Variants in VPS13B observed in about 807,000 individuals in gnomAD.
VPS13B encodes the protein intermembrane lipid transfer protein VPS13B.
VPS13B carries 285 observed loss-of-function variants against 426.4 expected under a neutral mutation model. The ratio of observed to expected loss-of-function variants is 0.67; its 90% CI spans 0.61 to 0.74. The LOEUF is 0.74. Ranked by LOEUF, VPS13B falls within the 30% of genes least tolerant of loss-of-function variation. The probability of loss-of-function intolerance (pLI) is 0.00; values close to 1 mark genes in which losing one functional copy is unlikely to be tolerated. For missense variants in VPS13B, 4,537 were observed against 4,782.6 expected (o/e 0.95, Z 1.51); for synonymous variants, 1,676 against 1,676.4 (o/e 1.00, Z 0.01).
In VPS13B at chr8:99,699,632, G is replaced by T. The variant is rs765025227; in HGVS notation, c.6154G>T (p.Ala2052Ser). Residue 2052 changes from alanine to serine, a missense_variant, in exon 36 of 62, where the codon GCA becomes TCA. Ala to Ser is a moderately conservative substitution (Grantham distance 99, BLOSUM62 1). Around this residue, in one of 2 missense-constraint regions of VPS13B, gnomAD observed 4,311 missense variants for 4,474.3 expected, o/e 0.96. Transcript: ENST00000357162. Reference protein sequence around the residue: ...LKKIKNAHSLAHSEETSAMSN... With the variant: ...LKKIKNAHSLSHSEETSAMSN... ...GAAGATAAAAAATGCACACAGTTTG[G>T]CACATAGTGAAGAGACTTCAGCCAT... 5 of 1,614,008 alleles carry T rather than the reference G, an allele frequency of 3.1e-6. No individual in the cohort carries two copies. In the South Asian group the frequency reaches 3.3e-5, roughly 11 times the overall value.
Position 99,422,707 on chromosome 8 carries a change from A to G in VPS13B, c.3083-8830A>G, listed in dbSNP as rs201622456. Among the ~76,000 whole-genome samples the G allele has an allele frequency of 2.6e-5, 4 of 152,210 alleles. No homozygotes were observed. In the East Asian group the frequency reaches 7.7e-4, roughly 29 times the overall value. On this transcript the variant is annotated intron_variant, in intron 21 of 61. Transcript: ENST00000357162. Reference sequence around the variant, plus strand: ...GTTAATTAATATACATGTTTTAAAAAATACAATAAGTAATTCATTTTTATA... The same window carrying G: ...GTTAATTAATATACATGTTTTAAAAGATACAATAAGTAATTCATTTTTATA...
In VPS13B at chr8:99,257,117, A is replaced by G. The variant is rs528784803; in HGVS notation, c.2516-17081A>G. On this transcript the variant is annotated intron_variant, in intron 17 of 61. Transcript: ENST00000357162. ...AGTAAATGATCATGCTTAGGTGCAG[A>G]CAAAACTTGCATCCTTAAGCTAGGA... Among the ~76,000 whole-genome samples the G allele has an allele frequency of 5.0e-4, 76 of 152,338 alleles. 1 individual carries two copies. The Middle Eastern group carries it at 0.014, about 27-fold the overall frequency.
intron 3 of VPS13B, among the ~76,000 whole-genome samples, chr8:99,066,467 G>A (rs1467098890): frequency 6.6e-6 from 1 of 152,158 alleles, no homozygotes; most frequent in South Asian, 2.1e-4. Flanking sequence ...AGCTGAAACT[G>A]GATCCCTTCC....
Position 99,642,390 on chromosome 8 carries a change from G to T in VPS13B, c.5800G>T (p.Val1934Leu). 6.2e-7 allele frequency: 1 copy of T among 1,614,126 alleles called. No individual in the cohort carries two copies. The highest frequency in any genetic ancestry group is 8.5e-7 in the Non-Finnish European group (1 of 1,180,002). The change falls in exon 34 of 62, where the codon GTG (valine) becomes TTG (leucine). Residue 1934 changes from valine (V) to leucine (L), a missense_variant. Transcript: ENST00000357162. ...LQLEPFLYFIVSQPSLLLSCH... is the reference protein window; with the variant it reads ...LQLEPFLYFILSQPSLLLSCH... ...GCTAGAGCCTTTTCTGTACTTTATT[G>T]TGTCCCAGCCTTCCTTGCTTCTGAG...
chr8:99,432,270 AC>A (rs1817154300), intron 22 of VPS13B, among the ~76,000 whole-genome samples: 1 of 152,116 alleles, frequency 6.6e-6, no homozygotes. Flanking sequence ...TCTCTGTGAT[AC>A]CAGAGACATC....
intron 33 of VPS13B, among the ~76,000 whole-genome samples, chr8:99,620,703 G>A (rs1828308378): frequency 1.3e-5 from 2 of 151,938 alleles, no homozygotes; most frequent in South Asian, 2.1e-4. Flanking sequence ...TGGGTACAGT[G>A]GCTTACACCT....
At chr8:99,308,283 A>C (rs1313736341) in intron 19 of VPS13B, among the ~76,000 whole-genome samples, 1 of 151,492 alleles carries the variant, frequency 6.6e-6, no homozygotes, top group East Asian at 1.9e-4. Flanking sequence ...GCACCCATTA[A>C]CTCGTCATTT....
rs779519268 is a variant in VPS13B, at chr8:99,511,400, G to A, written c.4521G>A (p.Gln1507=). ...AAGAGAAAAGAAAATCTCCTGGTCA[G>A]CCCATGAGGACCCATACACTGACAT... is the stretch of plus-strand genomic sequence containing the variant. The part of the protein sequence containing the change: ...TQKEKRKSPG[Q]PMRTHTLTSR... The change falls in exon 29 of 62, where the codon CAG becomes CAA. Residue 1507 remains glutamine (Q), a synonymous_variant. Coordinates refer to ENST00000357162, the MANE Select transcript of VPS13B (RefSeq NM_152564.5). The A allele has an allele frequency of 4.3e-6, 7 of 1,613,706 alleles. No homozygotes were observed. The highest frequency in any genetic ancestry group is 8.5e-7 in the Non-Finnish European group (1 of 1,179,968).
At chr8:99,034,030 A>T (rs1397006312) in intron 2 of VPS13B, among the ~76,000 whole-genome samples, 11 of 152,036 alleles carry the variant, frequency 7.2e-5, no homozygotes. Flanking sequence ...GACTATTTTT[A>T]TTTCTGTACA....
chr8:99,802,166 A>AAT (rs1563923299), intron 43 of VPS13B, among the ~76,000 whole-genome samples: 1 of 151,958 alleles, frequency 6.6e-6, no homozygotes, highest in African/African-American at 2.4e-5. Context: ...AAAAAAAAAA[A>AAT]ACAAGCTGTG....
chr8:99,169,834 TA>T (rs1011383346), intron 15 of VPS13B, among the ~76,000 whole-genome samples: 1 of 152,044 alleles, frequency 6.6e-6, no homozygotes, highest in African/African-American at 2.4e-5. Context: ...GGATGTGAAA[TA>T]AATACTGTAT....
intron 12 of VPS13B, among the ~76,000 whole-genome samples, chr8:99,139,669 C>G (rs1810290046): frequency 6.6e-6 from 1 of 151,988 alleles, no homozygotes; most frequent in Non-Finnish European, 1.5e-5. Context: ...GATCTCCTGA[C>G]CTCGTGATCC....
At chr8:99,305,043 G>A (rs551508448) in intron 19 of VPS13B, among the ~76,000 whole-genome samples, 3 of 152,146 alleles carry the variant, frequency 2.0e-5, no homozygotes, top group Middle Eastern at 3.4e-3. Flanking sequence ...ACAATTTTTA[G>A]TGCATAGAAA....
chr8:99,583,331 T>A (rs77547719), intron 33 of VPS13B, among the ~76,000 whole-genome samples: 12,576 of 152,246 alleles, frequency 0.083, 878 homozygotes, highest in African/African-American at 0.19. Context: ...TCTTTATTCT[T>A]TCATTCTAAA....
intron 29 of VPS13B, among the ~76,000 whole-genome samples, chr8:99,518,604 C>A (rs1034218620): frequency 1.3e-5 from 2 of 152,146 alleles, no homozygotes; most frequent in South Asian, 2.1e-4. Flanking sequence ...TTTCCCTCCT[C>A]CCTTCATGGT....
At chr8:99,427,606 A>G (rs1314710095) in intron 21 of VPS13B, among the ~76,000 whole-genome samples, 1 of 152,104 alleles carries the variant, frequency 6.6e-6, no homozygotes, top group Non-Finnish European at 1.5e-5. Flanking sequence ...TTCAAGGAGA[A>G]CTACAAACCA....
intron 34 of VPS13B, among the ~76,000 whole-genome samples, chr8:99,655,247 C>G (rs1829980996): frequency 6.6e-6 from 1 of 152,166 alleles, no homozygotes; most frequent in Admixed American, 6.5e-5. Flanking sequence ...CTGGATACTT[C>G]TAAGTGCTAT....
chr8:99,783,866 A>G (rs1812136451), intron 42 of VPS13B, among the ~76,000 whole-genome samples: 1 of 152,156 alleles, frequency 6.6e-6, no homozygotes, highest in South Asian at 2.1e-4. Flanking sequence ...TTTTACCTAA[A>G]TGATTCTTAC....
intron 19 of VPS13B, among the ~76,000 whole-genome samples, chr8:99,359,991 T>A (rs1035699183): frequency 6.6e-6 from 1 of 151,908 alleles, no homozygotes; most frequent in Non-Finnish European, 1.5e-5. Context: ...TTAGTAGAGA[T>A]GGGGTTTCAC....
Sources: gnomAD v4.1 joint callset for allele counts (sites outside exome capture counted in the v4.1 genomes callset) on GRCh38, gnomAD v4.1.1 for gene constraint, gnomAD v4.1.1 regional missense constraint, MANE v1.5 for transcripts, NCBI Gene and HGNC (gene_info 2026-07-23, HGNC 2026-07-21) for gene names.